VSIG1: variants seen among roughly 807,000 people sequenced by gnomAD.
VSIG1 encodes the protein V-set and immunoglobulin domain-containing protein 1.
VSIG1 carries 11 observed loss-of-function variants against 20.1 expected under a neutral mutation model. The ratio of observed to expected loss-of-function variants is 0.55; its 90% CI spans 0.34 to 0.91. The LOEUF is 0.91. VSIG1 is among the 40% of genes least tolerant of loss of function. The probability of loss-of-function intolerance (pLI) is 0.02; values close to 1 mark genes in which losing one functional copy is unlikely to be tolerated. For missense variants in VSIG1, 283 were observed against 298.8 expected, an observed-to-expected ratio of 0.95 and a Z score of 0.39; for synonymous variants, 126 against 116.7, an observed-to-expected ratio of 1.08 and a Z score of -0.52.
At chrX:108,053,748 T>G (rs2030836357) in intron 1 of VSIG1, among the ~76,000 whole-genome samples, 1 of 111,916 alleles carries the variant, frequency 8.9e-6, no homozygotes. Flanking sequence ...ATAAGATATT[T>G]TGTGAGAAAG....
chrX:108,024,143 A>G, the VSIG1 span, among the ~76,000 whole-genome samples: 1 of 111,452 alleles, frequency 9.0e-6, no homozygotes, highest in Non-Finnish European at 1.9e-5. Flanking sequence ...TTACATTCAG[A>G]TTTTCTAACT....
At chrX:108,069,885 G>C (rs967091809) in intron 3 of VSIG1, among the ~76,000 whole-genome samples, 2 of 111,581 alleles carry the variant, frequency 1.8e-5, no homozygotes, top group East Asian at 5.6e-4. Context: ...AATTGGAGAA[G>C]GCTTATTGAG....
At chrX:108,058,014 A>G in intron 1 of VSIG1, 24 bp from the exon 2 acceptor site, 1 of 1,190,478 alleles carries the variant, frequency 8.4e-7, no homozygotes. Flanking sequence ...TGTACTATTG[A>G]TTTTTTTATG....
At chrX:108,067,339 G>A (rs990828719) in intron 3 of VSIG1, among the ~76,000 whole-genome samples, 2 of 111,377 alleles carry the variant, frequency 1.8e-5, no homozygotes, top group African/African-American at 6.5e-5. Flanking sequence ...CAGAACAATT[G>A]TGCAAACGGG....
intron 3 of VSIG1, among the ~76,000 whole-genome samples, chrX:108,069,000 G>A (rs895338808): frequency 6.3e-5 from 7 of 111,458 alleles, no homozygotes; most frequent in African/African-American, 2.3e-4. Flanking sequence ...GATCAAAGGG[G>A]TTTTTAAATG....
At chrX:108,065,465 A>G (rs2031109137) in intron 2 of VSIG1, among the ~76,000 whole-genome samples, 1 of 112,089 alleles carries the variant, frequency 8.9e-6, no homozygotes, top group South Asian at 3.7e-4. Context: ...AATACAGTTT[A>G]TTGAACAATA....
At chrX:108,032,295 AC>A in the VSIG1 span, among the ~76,000 whole-genome samples, 1 of 112,435 alleles carries the variant, frequency 8.9e-6, no homozygotes, top group Non-Finnish European at 1.9e-5. Context: ...ATATATGTTT[AC>A]AAAGCCACTT....
At chrX:108,029,126 TAG>T in the VSIG1 span, among the ~76,000 whole-genome samples, 1 of 112,580 alleles carries the variant, frequency 8.9e-6, no homozygotes, top group African/African-American at 3.2e-5. Context: ...AATCATTTTT[TAG>T]TACAAGTGTG....
At chrX:108,019,226 T>C in the VSIG1 span, among the ~76,000 whole-genome samples, 1 of 111,789 alleles carries the variant, frequency 8.9e-6, no homozygotes, top group South Asian at 3.7e-4. Flanking sequence ...CCAGTTGTGG[T>C]GATAGCAGAG....
chrX:108,066,485 C>T (rs1411077651), intron 2 of VSIG1, among the ~76,000 whole-genome samples: 1 of 111,157 alleles, frequency 9.0e-6, no homozygotes, highest in Admixed American at 9.5e-5. Context: ...TTAAGGAAAC[C>T]AGATAGTCTC....
At chrX:108,030,588 G>A in the VSIG1 span, among the ~76,000 whole-genome samples, 1 of 112,259 alleles carries the variant, frequency 8.9e-6, no homozygotes, top group Admixed American at 9.4e-5. Context: ...CAGTTGATGT[G>A]CATCAGGGAA....
chrX:108,057,202 A>G (rs745604190), intron 1 of VSIG1, among the ~76,000 whole-genome samples: 4 of 112,429 alleles, frequency 3.6e-5, no homozygotes, highest in African/African-American at 6.4e-5. Flanking sequence ...TTAGAAATGA[A>G]AGACAGATTA....
At position 108,078,381 on chromosome X, in the gene VSIG1, G is replaced by T. The variant is rs1008147396; in HGVS notation, c.*1000G>T. Reference sequence around the variant, plus strand: ...GAGGCAGGTGGATCACCTGAGGTCAGGAGTTCGAGACCAGCCTGGCCAACA... The same window carrying T: ...GAGGCAGGTGGATCACCTGAGGTCATGAGTTCGAGACCAGCCTGGCCAACA... On this transcript the variant is annotated 3_prime_UTR_variant, in exon 7 of 7. Transcript: ENST00000217957. 8.9e-6 allele frequency: 1 copy of T among 111,924 alleles called. No homozygotes were observed. Among genetic ancestry groups the T allele is most frequent in the Admixed American group, 9.4e-5 (1 of 10,615 alleles). 9.2% of individuals were successfully genotyped at this position (111,924 alleles called of 1,213,427 possible).
intron 3 of VSIG1, among the ~76,000 whole-genome samples, chrX:108,071,569 C>T (rs780017940): frequency 3.6e-5 from 4 of 111,129 alleles, no homozygotes; most frequent in Admixed American, 9.5e-5. Flanking sequence ...GGACTGACCT[C>T]ATTAGTACCC....
At position 108,078,629 on chromosome X, in the gene VSIG1, C is replaced by CA. The variant is rs2031396767; in HGVS notation, c.*1254dup. The CA allele has an allele frequency of 8.9e-6, 1 of 111,900 alleles. No homozygotes were observed. The highest frequency in any genetic ancestry group is 2.8e-4 in the East Asian group (1 of 3,567). 9.2% of individuals were successfully genotyped at this position (111,900 alleles called of 1,213,427 possible). A position where few individuals can be genotyped will look rare whatever the true frequency, so the allele number is the denominator to read the frequency against. On this transcript the variant is annotated 3_prime_UTR_variant, in exon 7 of 7. Coordinates refer to ENST00000217957, the MANE Select transcript of VSIG1 (RefSeq NM_182607.5). The stretch of plus-strand genomic sequence containing the variant: ...AAACAGAAAACAAACAAACAAAAAA[C>CA]AAAAAATCCCCACAACTTTGTCAAA...
chrX:108,071,497 C>T (rs1392430095), intron 3 of VSIG1, among the ~76,000 whole-genome samples: 2 of 110,777 alleles, frequency 1.8e-5, no homozygotes, highest in Non-Finnish European at 3.8e-5. Flanking sequence ...ATTCAGATTC[C>T]CAGCTTCCCA....
chrX:108,070,886 C>CT (rs1472667991), intron 3 of VSIG1, among the ~76,000 whole-genome samples: 4 of 112,084 alleles, frequency 3.6e-5, no homozygotes, highest in African/African-American at 1.3e-4. Flanking sequence ...CACCTGTGTA[C>CT]AGATAGTGAG....
rs2031378326 is a variant in VSIG1 at position 108,077,667 on chromosome X, GTGT to G, written c.*291_*293del. ...TTAGTTGAGTTTTGCAACAGTACCTGTGTTGTTATTTCAGAAAATATTATTTCT... is the reference window on the plus strand; with the variant it reads ...TTAGTTGAGTTTTGCAACAGTACCTGTGTTATTTCAGAAAATATTATTTCT... On this transcript the variant is annotated 3_prime_UTR_variant, in exon 7 of 7. Transcript: ENST00000217957. 1.7e-5 allele frequency: 5 copies of G among 299,375 alleles called. No individual in the cohort carries two copies. The highest frequency in any genetic ancestry group is 9.2e-4 in the Middle Eastern group (1 of 1,092). 24.7% of individuals were successfully genotyped at this position (299,375 alleles called of 1,213,427 possible). A position where few individuals can be genotyped will look rare whatever the true frequency, so the allele number is the denominator to read the frequency against.
intron 1 of VSIG1, among the ~76,000 whole-genome samples, chrX:108,047,855 T>TAC (rs1332425907): frequency 2.5e-5 from 1 of 39,586 alleles, no homozygotes; most frequent in African/African-American, 1.5e-4. Context: ...CATATATATA[T>TAC]ACACATATAT....
Sources: allele counts gnomAD v4.1 joint callset (sites outside exome capture counted in the v4.1 genomes callset), GRCh38; gene constraint gnomAD v4.1.1; transcripts MANE v1.5; gene names NCBI Gene and HGNC (gene_info 2026-07-23, HGNC 2026-07-21).